TRIM6: variants seen among roughly 807,000 people sequenced by gnomAD.
The protein encoded by TRIM6 is tripartite motif-containing protein 6.
A neutral mutation model predicts 51.2 loss-of-function variants in TRIM6; 43 were observed. The observed-to-expected ratio is 0.84, with a 90% CI of 0.66 to 1.08. The LOEUF is 1.08. Among genes scored for constraint, TRIM6 ranks in the 50% least tolerant of loss-of-function variants. The pLI, the probability that TRIM6 is intolerant of heterozygous loss-of-function variation, is 0.00. For synonymous variants in TRIM6, 215 were observed against 232.4 expected (o/e 0.93, Z 0.68); for missense variants, 669 against 619.0 (o/e 1.08, Z -0.86).
chr11:5,603,598 C>A lies in TRIM6; in HGVS notation c.370C>A (p.Leu124Ile). The A allele has an allele frequency of 1.9e-6, 3 of 1,613,830 alleles. No individual in the cohort carries two copies. Among genetic ancestry groups the A allele is most frequent in the Non-Finnish European group, 2.5e-6 (3 of 1,180,002 alleles). ...LGPGKQLKAV[L>I]CADHGEKLQL... The stretch of plus-strand genomic sequence containing the variant: ...CCCTGGGAAGCAGCTGAAAGCAGTT[C>A]TTTGTGCAGACCATGGAGAAAAACT... Residue 124 changes from leucine to isoleucine, a missense_variant, in exon 2 of 8, where the codon CTT (leucine) becomes ATT (isoleucine). Physicochemically the swap from Leu to Ile is conservative, Grantham distance 5 (BLOSUM62 2). Coordinates refer to ENST00000380097, the MANE Select transcript of TRIM6 (RefSeq NM_001003818.3).
chr11:5,609,940 C>T (rs1006911725), intron 5 of TRIM6, among the ~76,000 whole-genome samples: 4 of 152,106 alleles, frequency 2.6e-5, no homozygotes, highest in Admixed American at 6.6e-5. Context: ...AAAGTTAAAT[C>T]TTACACAAGT....
rs753574366 is a variant in TRIM6, at chr11:5,603,508, GGGAA to G, written c.281_284del (p.Gly94AlafsTer11). The G allele has an allele frequency of 1.9e-5, 31 of 1,614,024 alleles. No homozygotes were observed. The highest frequency in any genetic ancestry group is 2.5e-5 in the Non-Finnish European group (30 of 1,180,034). Reference sequence around the variant, plus strand: ...TGTGTGCCAGACCAGCTACCAGCCAGGGAACCTGCGGCCTAATCGGCATCTGGCC... The same window carrying G: ...TGTGTGCCAGACCAGCTACCAGCCAGCCTGCGGCCTAATCGGCATCTGGCC... On this transcript the variant is annotated frameshift_variant, in exon 2 of 8. Transcript: ENST00000380097. LOFTEE classifies it high-confidence loss of function.
Position 5,611,261 on chromosome 11 carries a change from T to A in TRIM6, c.1470T>A (p.Tyr490Ter), listed in dbSNP as rs776621906. 6.2e-7 allele frequency: 1 copy of A among 1,614,076 alleles called. No individual in the cohort carries two copies. Among genetic ancestry groups the A allele is most frequent in the Non-Finnish European group, 8.5e-7 (1 of 1,179,956 alleles). ...HGFPIYTFSK[Y>*]YFPTTLCPYF... ...TCCCCATCTACACTTTCTCTAAATA[T>A]TACTTTCCCACTACTCTTTGTCCAT... Residue 490 changes from tyrosine to a stop codon, truncating the protein, a stop_gained, in exon 8 of 8, where the codon TAT becomes TAA. Coordinates refer to ENST00000380097, the MANE Select transcript of TRIM6 (RefSeq NM_001003818.3). LOFTEE classifies it high-confidence loss of function.
intron 1 of TRIM6, among the ~76,000 whole-genome samples, chr11:5,599,402 T>TTTAA (rs1847688246): frequency 6.6e-6 from 1 of 151,206 alleles, no homozygotes; most frequent in Non-Finnish European, 1.5e-5. Flanking sequence ...TATTTATTTA[T>TTTAA]TTATTTATTT....
chr11:5,605,084 C>T (rs1074354), intron 3 of TRIM6: 67,975 of 537,640 alleles, frequency 0.13, 5,020 homozygotes, highest in East Asian at 0.28. Context: ...GGAATCTAAA[C>T]GTCACCCAGG....
chr11:5,606,085 C>T (rs890537712), intron 4 of TRIM6, among the ~76,000 whole-genome samples: 8 of 152,210 alleles, frequency 5.3e-5, no homozygotes, highest in Non-Finnish European at 1.2e-4. Context: ...CACCTCTCGT[C>T]TCTGATGCTG....
chr11:5,604,157 G>T (rs1349516319), intron 2 of TRIM6, among the ~76,000 whole-genome samples: 2 of 150,708 alleles, frequency 1.3e-5, no homozygotes, highest in East Asian at 3.9e-4. Context: ...ACCATGCCCA[G>T]CTAATTGTGT....
chr11:5,604,464 T>C lies in TRIM6; in HGVS notation c.508-70T>C, dbSNP rs559188745. On this transcript the variant is annotated intron_variant, in intron 2 of 7. Transcript: ENST00000380097. ...TGAGGTTAGCAGAATCTCTGTCCCA[T>C]TCATTCTATGTCTGGGTACTGAGTC... 12 of 1,497,962 alleles carry C rather than the reference T, an allele frequency of 8.0e-6. 1 individual carries two copies. In the South Asian group the frequency reaches 1.5e-4, roughly 19 times the overall value. 92.8% of individuals were successfully genotyped at this position (1,497,962 alleles called of 1,614,324 possible). A position where few individuals can be genotyped will look rare whatever the true frequency, so the allele number is the denominator to read the frequency against.
chr11:5,597,066 A>G (rs1266129684), intron 1 of TRIM6, 152 bp downstream of exon 1: 3 of 885,446 alleles, frequency 3.4e-6, no homozygotes, highest in Non-Finnish European at 4.9e-6. Context: ...GAGGTTAGAG[A>G]CATTTTAATC....
At chr11:5,602,460 A>G (rs73400343) in intron 1 of TRIM6, among the ~76,000 whole-genome samples, 17,301 of 151,442 alleles carry the variant, frequency 0.11, 1,496 homozygotes, top group East Asian at 0.24. Context: ...ATATGTGGAG[A>G]GTGATTGTAT....
At chr11:5,603,869 T>G (rs1368744280) in intron 2 of TRIM6, 134 bp downstream of exon 2, 8 of 1,437,360 alleles carry the variant, frequency 5.6e-6, no homozygotes, top group Non-Finnish European at 6.4e-6. Context: ...GCCTCCCTGA[T>G]TAAGAATAGA....
intron 1 of TRIM6, 40 bp from the exon 2 acceptor site, chr11:5,603,206 T>C (rs1847972545): frequency 6.3e-7 from 1 of 1,589,732 alleles, no homozygotes; most frequent in Non-Finnish European, 8.6e-7. Flanking sequence ...TCTCCCTCCT[T>C]TCTTACCCTG....
At position 5,606,363 on chromosome 11, in the gene TRIM6, C is replaced by T. The variant is rs1425286807; in HGVS notation, c.834+796C>T. On this transcript the variant is annotated intron_variant, in intron 4 of 7. Transcript: ENST00000380097. Reference sequence around the variant, plus strand: ...ACTTGAACTGAGGTTGAAATTCTAGCAGCTATTTTCTGCATAGAATGAATA... The same window carrying T: ...ACTTGAACTGAGGTTGAAATTCTAGTAGCTATTTTCTGCATAGAATGAATA... 2.0e-5 allele frequency among the ~76,000 whole-genome samples: 3 copies of T among 152,142 alleles called. 1 individual carries two copies. The highest frequency in any genetic ancestry group is 4.4e-5 in the Non-Finnish European group (3 of 68,028).
Position 5,596,645 on chromosome 11 carries a change from T to C in TRIM6, c.-253T>C, listed in dbSNP as rs898613370. On this transcript the variant is annotated 5_prime_UTR_variant, in exon 1 of 8. Coordinates refer to ENST00000380097, the MANE Select transcript of TRIM6 (RefSeq NM_001003818.3). ...GCGGCCCGACTCCTCCCAGAAGGAG[T>C]TGGGAGATGAGCCTTCCGCAAACTC... 1 of 452,082 alleles carries C rather than the reference T, an allele frequency of 2.2e-6. No individual in the cohort carries two copies. 28.0% of individuals were successfully genotyped at this position (452,082 alleles called of 1,614,324 possible). A position where few individuals can be genotyped will look rare whatever the true frequency, so the allele number is the denominator to read the frequency against.
chr11:5,606,981 A>C (rs1590106958), intron 4 of TRIM6, among the ~76,000 whole-genome samples: 1 of 152,192 alleles, frequency 6.6e-6, no homozygotes, highest in Non-Finnish European at 1.5e-5. Flanking sequence ...AGGCAGGCGG[A>C]TCATGAGGTC....
intron 1 of TRIM6, among the ~76,000 whole-genome samples, chr11:5,597,351 T>A (rs1847533926): frequency 6.6e-6 from 1 of 152,162 alleles, no homozygotes; most frequent in African/African-American, 2.4e-5. Flanking sequence ...CATGCCTAGC[T>A]TTAAAAAAAT....
chr11:5,605,585 GC>G lies in TRIM6; in HGVS notation c.834+21del. 6.3e-7 allele frequency: 1 copy of G among 1,597,514 alleles called. No homozygotes were observed. The highest frequency in any genetic ancestry group is 8.5e-7 in the Non-Finnish European group (1 of 1,173,866). ...TGCTGCAGGTAAGGCTTGTGAAGGAGCCCAGATCTGAGAGTCAAGGAAAAGA... is the reference window on the plus strand; with the variant it reads ...TGCTGCAGGTAAGGCTTGTGAAGGAGCCAGATCTGAGAGTCAAGGAAAAGA... On this transcript the variant is annotated intron_variant, in intron 4 of 7. Transcript: ENST00000380097.
At chr11:5,605,080 T>C in intron 3 of TRIM6, 1 of 537,392 alleles carries the variant, frequency 1.9e-6, no homozygotes, top group South Asian at 2.0e-5. Context: ...TCCTGGAATC[T>C]AAACGTCACC....
chr11:5,604,027 G>A (rs1416263179), intron 2 of TRIM6, among the ~76,000 whole-genome samples: 4 of 152,006 alleles, frequency 2.6e-5, no homozygotes, highest in East Asian at 1.9e-4. Flanking sequence ...AAGGCGTCTC[G>A]CTCTGTCGCC....
Sources: allele counts gnomAD v4.1 joint callset (sites outside exome capture counted in the v4.1 genomes callset), GRCh38; gene constraint gnomAD v4.1.1; transcripts MANE v1.5; gene names NCBI Gene and HGNC (gene_info 2026-07-23, HGNC 2026-07-21).